Variants in ODR4 observed in about 807,000 individuals in gnomAD.
ODR4 encodes the protein odr-4 GPCR localization factor homolog.
ODR4 carries 47 observed loss-of-function variants against 60.2 expected under a neutral mutation model. The ratio of observed to expected loss-of-function variants is 0.78; its 90% CI spans 0.62 to 1.00. ODR4 has a LOEUF of 1.00. ODR4 is among the 50% of genes least tolerant of loss of function. The pLI, the probability that ODR4 is intolerant of heterozygous loss-of-function variation, is 0.00. For missense variants in ODR4, 488 were observed against 530.8 expected, an observed-to-expected ratio of 0.92 and a Z score of 0.79; for synonymous variants, 178 against 175.5, an observed-to-expected ratio of 1.01 and a Z score of -0.11.
chr1:186,410,999 G>C (rs571209645), intron 12 of ODR4, among the ~76,000 whole-genome samples: 1 of 149,898 alleles, frequency 6.7e-6, no homozygotes, highest in Non-Finnish European at 1.5e-5. Flanking sequence ...TGGGCAACAA[G>C]AGCAAAACTC....
At chr1:186,422,861 A>G (rs1558109050), downstream of ODR4, among the ~76,000 whole-genome samples, 1 of 152,242 alleles carries the variant, frequency 6.6e-6, no homozygotes, top group Non-Finnish European at 1.5e-5. Context: ...TTAGAAACTG[A>G]TAAAGAATTA....
At chr1:186,381,347 G>A (rs79290458) in intron 2 of ODR4, among the ~76,000 whole-genome samples, 46 of 120,902 alleles carry the variant, frequency 3.8e-4, no homozygotes, top group African/African-American at 1.5e-3. Flanking sequence ...TTTTTTTTTT[G>A]AGACGGAGTC....
chr1:186,391,830 C>A, intron 8 of ODR4, 39 bp downstream of exon 8: 2 of 1,244,912 alleles, frequency 1.6e-6, no homozygotes, highest in Non-Finnish European at 2.3e-6. Context: ...ATTGTTAGTG[C>A]TTAAGGAAAA....
the ODR4 span, among the ~76,000 whole-genome samples, chr1:186,430,708 G>T: frequency 6.6e-6 from 1 of 151,928 alleles, no homozygotes; most frequent in Non-Finnish European, 1.5e-5. Flanking sequence ...TATATTCCTA[G>T]ATCTGCCAAA....
At chr1:186,400,848 T>A (rs144744138) in intron 11 of ODR4, 8,191 of 449,146 alleles carry the variant, frequency 0.018, 110 homozygotes, top group Non-Finnish European at 0.024. Flanking sequence ...ATGCAACAAT[T>A]GGATTGAGAG....
At chr1:186,402,235 C>CTTTCTTTCTTTCT (rs1661006397) in intron 11 of ODR4, among the ~76,000 whole-genome samples, 1 of 3,798 alleles carries the variant, frequency 2.6e-4, no homozygotes. Flanking sequence ...TCTTTCTTTC[C>CTTTCTTTCTTTCT]TTTCTTTCTT....
At chr1:186,382,739 T>C (rs1660088742) in intron 2 of ODR4, among the ~76,000 whole-genome samples, 1 of 152,216 alleles carries the variant, frequency 6.6e-6, no homozygotes, top group South Asian at 2.1e-4. Flanking sequence ...GTAAACCATT[T>C]TTAGGGACCA....
chr1:186,418,236 A>C (rs6700930), intron 13 of ODR4, among the ~76,000 whole-genome samples: 4 of 149,902 alleles, frequency 2.7e-5, no homozygotes, highest in Admixed American at 6.6e-5. Context: ...TTTTTTGTAC[A>C]TGTGTGTGTG....
chr1:186,376,472 C>A (rs1659770958), intron 1 of ODR4, among the ~76,000 whole-genome samples: 1 of 152,052 alleles, frequency 6.6e-6, no homozygotes, highest in Non-Finnish European at 1.5e-5. Context: ...TAATGCATTC[C>A]CAGTGTCGTC....
chr1:186,386,484 A>G (rs112923808), intron 4 of ODR4, among the ~76,000 whole-genome samples: 1 of 152,146 alleles, frequency 6.6e-6, no homozygotes, highest in Admixed American at 6.5e-5. Flanking sequence ...ATGCAAACAA[A>G]TAATTCATTG....
At chr1:186,424,972 G>GA (rs61156981), downstream of ODR4, among the ~76,000 whole-genome samples, 969 of 127,412 alleles carry the variant, frequency 7.6e-3, 5 homozygotes, top group African/African-American at 0.017. Flanking sequence ...CTAGATTAAA[G>GA]AAAAAAAAAA....
intron 13 of ODR4, among the ~76,000 whole-genome samples, chr1:186,418,340 GA>G (rs1452647736): frequency 2.1e-5 from 3 of 146,150 alleles, no homozygotes; most frequent in African/African-American, 7.5e-5. Flanking sequence ...GCCCAGGCTG[GA>G]GTGCAGTGGC....
chr1:186,381,267 T>G (rs935974824), intron 2 of ODR4, among the ~76,000 whole-genome samples: 1 of 152,140 alleles, frequency 6.6e-6, no homozygotes, highest in African/African-American at 2.4e-5. Flanking sequence ...GGATAAAGGT[T>G]GTTTCTAAAG....
chr1:186,389,060 A>AG (rs1207978413), intron 5 of ODR4, among the ~76,000 whole-genome samples: 1 of 152,148 alleles, frequency 6.6e-6, no homozygotes, highest in Non-Finnish European at 1.5e-5. Flanking sequence ...CTCCCAAGCA[A>AG]GGGTCATCCT....
At chr1:186,383,930 T>G (rs867911870) in intron 3 of ODR4, among the ~76,000 whole-genome samples, 5 of 151,928 alleles carry the variant, frequency 3.3e-5, no homozygotes, top group South Asian at 4.2e-4. Flanking sequence ...TCCCAGCTAC[T>G]TGGGAGGCTG....
chr1:186,432,785 A>AT, the ODR4 span, among the ~76,000 whole-genome samples: 270 of 141,970 alleles, frequency 1.9e-3, no homozygotes, highest in Middle Eastern at 3.8e-3. Flanking sequence ...AATCTGGCAG[A>AT]TTTTTTTTTT....
At chr1:186,426,579 TTCC>T in the ODR4 span, among the ~76,000 whole-genome samples, 1 of 152,190 alleles carries the variant, frequency 6.6e-6, no homozygotes, top group Non-Finnish European at 1.5e-5. Context: ...TTCTCAGAAG[TTCC>T]AGAATGTCAC....
At chr1:186,411,927 CA>C in intron 12 of ODR4, 1 of 584,278 alleles carries the variant, frequency 1.7e-6, no homozygotes, top group Non-Finnish European at 2.2e-6. Flanking sequence ...ATATTAAACT[CA>C]TGGTTTCTAG....
the ODR4 span, among the ~76,000 whole-genome samples, chr1:186,434,507 C>T: frequency 6.6e-6 from 1 of 152,124 alleles, no homozygotes; most frequent in East Asian, 1.9e-4. Flanking sequence ...CTCCTTGCTG[C>T]TCCTTCAGAG....
Sources: allele counts gnomAD v4.1 joint callset (sites outside exome capture counted in the v4.1 genomes callset), GRCh38; gene constraint gnomAD v4.1.1; transcripts MANE v1.5; gene names NCBI Gene and HGNC (gene_info 2026-07-23, HGNC 2026-07-21).